TMEM131: variants seen among roughly 807,000 people sequenced by gnomAD.
TMEM131 encodes the protein 2610524E03Rik.
TMEM131 carries 66 observed loss-of-function variants against 211.6 expected under a neutral mutation model. The observed-to-expected ratio is 0.31, with a 90% CI of 0.26 to 0.38. TMEM131 has a LOEUF of 0.38. TMEM131 is among the 10% of genes least tolerant of loss of function. TMEM131 has a pLI of 1.00. For synonymous variants in TMEM131, 844 were observed against 841.3 expected (o/e 1.00, Z -0.06); for missense variants, 2,036 against 2,299.3 (o/e 0.89, Z 2.34).
chr2:97,877,409 G>A (rs926576360), intron 4 of TMEM131, among the ~76,000 whole-genome samples: 1 of 152,146 alleles, frequency 6.6e-6, no homozygotes, highest in Non-Finnish European at 1.5e-5. Flanking sequence ...ACAATCCTGG[G>A]CAAGAAGAAC....
chr2:97,811,047 A>G (rs945946228), intron 18 of TMEM131, 81 bp downstream of exon 18: 2 of 1,006,992 alleles, frequency 2.0e-6, no homozygotes, highest in African/African-American at 3.2e-5. Flanking sequence ...AGTAAACTTA[A>G]TTCTTTGGTT....
intron 4 of TMEM131, among the ~76,000 whole-genome samples, chr2:97,877,675 C>T (rs577532677): frequency 1.3e-5 from 2 of 152,194 alleles, no homozygotes; most frequent in East Asian, 1.9e-4. Context: ...GAAACTGGAC[C>T]GCTTCCTTGT....
chr2:97,814,243 T>C lies in TMEM131; in HGVS notation c.1438A>G (p.Met480Val). Residue 480 changes from methionine to valine, a missense_variant, in exon 14 of 41, where the codon ATG becomes GTG. Coordinates refer to ENST00000186436, the MANE Select transcript of TMEM131 (RefSeq NM_015348.2). ...AGGGCTCCTGGACATACTTTAAACA[T>C]TGTTTTGGCTTCTTCTGGTAGCAAC... ...DVLLPEEAKTMFKVHNFSKPV... is the reference protein window; with the variant it reads ...DVLLPEEAKTVFKVHNFSKPV... 6.2e-7 allele frequency: 1 copy of C among 1,613,648 alleles called. No individual in the cohort carries two copies. Among genetic ancestry groups the C allele is most frequent in the Non-Finnish European group, 8.5e-7 (1 of 1,179,726 alleles).
chr2:97,909,713 T>C (rs752848909), intron 2 of TMEM131, among the ~76,000 whole-genome samples: 3 of 152,212 alleles, frequency 2.0e-5, no homozygotes, highest in Admixed American at 1.3e-4. Flanking sequence ...TGTAGAAAAC[T>C]GTCCTAATTT....
chr2:97,925,755 C>T (rs2104437588), intron 2 of TMEM131, among the ~76,000 whole-genome samples: 1 of 152,174 alleles, frequency 6.6e-6, no homozygotes, highest in Middle Eastern at 3.4e-3. Context: ...ATCTTTTTGG[C>T]AATTTTTAAA....
intron 12 of TMEM131, among the ~76,000 whole-genome samples, chr2:97,816,795 T>G (rs976572888): frequency 6.6e-6 from 1 of 152,208 alleles, no homozygotes; most frequent in African/African-American, 2.4e-5. Context: ...GAAAATTCTG[T>G]TGAAAATCAT....
At chr2:97,958,701 C>A (rs1404692614) in intron 1 of TMEM131, among the ~76,000 whole-genome samples, 2 of 152,202 alleles carry the variant, frequency 1.3e-5, no homozygotes. Context: ...AGGCTTAATT[C>A]AACTTCAGAT....
intron 11 of TMEM131, among the ~76,000 whole-genome samples, chr2:97,831,627 T>C (rs1682691720): frequency 6.6e-6 from 1 of 150,628 alleles, no homozygotes. Flanking sequence ...GATTGCTAAG[T>C]GACACTGTAT....
chr2:97,909,151 GAATA>G (rs1464038055), intron 2 of TMEM131, among the ~76,000 whole-genome samples: 6 of 152,206 alleles, frequency 3.9e-5, no homozygotes, highest in South Asian at 2.1e-4. Context: ...CTGTGAACAG[GAATA>G]AATAGTTGCC....
At position 97,814,078 on chromosome 2, in the gene TMEM131, G is replaced by T; in HGVS notation, c.1510C>A (p.Leu504Ile). 6.2e-7 allele frequency: 1 copy of T among 1,604,324 alleles called. No homozygotes were observed. Among genetic ancestry groups the T allele is most frequent in the South Asian group, 1.1e-5 (1 of 89,642 alleles). Residue 504 changes from leucine to isoleucine, a missense_variant, in exon 15 of 41, where the codon CTT (leucine) becomes ATT (isoleucine). Physicochemically the swap from Leu to Ile is conservative, Grantham distance 5. This residue lies in a region of TMEM131 where 1,623 missense variants were observed against 1,805.9 expected (regional missense o/e 0.90). Transcript: ENST00000186436. The part of the protein sequence containing the change: ...PNESGYIFTL[L>I]FMPSTSSMHI... ...ATGGATGATGTGGAAGGCATAAAAA[G>T]CAGGGTAAAAATGTATCCTGATTCA...
chr2:97,943,471 C>A (rs1430250915), intron 1 of TMEM131, among the ~76,000 whole-genome samples: 1 of 152,072 alleles, frequency 6.6e-6, no homozygotes, highest in African/African-American at 2.4e-5. Flanking sequence ...CGAACAAGTA[C>A]AAGACTTGTA....
chr2:97,809,609 T>C, intron 19 of TMEM131, 79 bp downstream of exon 19: 1 of 921,548 alleles, frequency 1.1e-6, no homozygotes, highest in Non-Finnish European at 1.7e-6. Flanking sequence ...CTGACTTTAC[T>C]CTAAGATTCT....
chr2:97,796,334 T>C lies in TMEM131; in HGVS notation c.3084A>G (p.Gln1028=), dbSNP rs1680761656. Residue 1028 remains glutamine (Q), a synonymous_variant, in exon 28 of 41, where the codon CAA becomes CAG. Coordinates refer to ENST00000186436, the MANE Select transcript of TMEM131 (RefSeq NM_015348.2). ...TGATTTCAATGGTTTCTATGTGAATTTGAAGTTGTCCTGTATTCTCTACCT... is the reference window on the plus strand; with the variant it reads ...TGATTTCAATGGTTTCTATGTGAATCTGAAGTTGTCCTGTATTCTCTACCT... The part of the protein sequence containing the change: ...TFKVENTGQL[Q]IHIETIEISG... 6.4e-7 allele frequency: 1 copy of C among 1,554,628 alleles called. No individual in the cohort carries two copies. The highest frequency in any genetic ancestry group is 2.0e-5 in the Admixed American group (1 of 48,918).
chr2:97,965,012 A>G (rs1678987927), intron 1 of TMEM131, among the ~76,000 whole-genome samples: 1 of 152,160 alleles, frequency 6.6e-6, no homozygotes. Context: ...TGAGGAGAAA[A>G]GTCTCCTTAT....
At chr2:97,794,649 C>T (rs980945748) in intron 29 of TMEM131, among the ~76,000 whole-genome samples, 16 of 152,076 alleles carry the variant, frequency 1.1e-4, no homozygotes, top group African/African-American at 3.6e-4. Flanking sequence ...TATATATATG[C>T]CCAAGTCAAG....
At position 97,833,365 on chromosome 2, in the gene TMEM131, T is replaced by C; in HGVS notation, c.1074A>G (p.Thr358=). ...LNSGTKDVPI[T]SVRPTPQNDA... is the part of the protein sequence containing the mutation. ...GGGGAAAAAAGAAGTAAAAACTTACTGTTATTGGTACATCTTTTGTTCCTG... is the reference window on the plus strand; with the variant it reads ...GGGGAAAAAAGAAGTAAAAACTTACCGTTATTGGTACATCTTTTGTTCCTG... The change falls in exon 11 of 41, where the codon ACA becomes ACG. Residue 358 remains threonine, a splice_region_variant and synonymous_variant. Transcript: ENST00000186436. 7.9e-7 allele frequency: 1 copy of C among 1,268,004 alleles called. No individual in the cohort carries two copies. The highest frequency in any genetic ancestry group is 1.4e-5 in the South Asian group (1 of 73,592). The allele number at this position is 1,268,004 out of a possible 1,614,324, so 78.5% of individuals were successfully genotyped here. A position where few individuals can be genotyped will look rare whatever the true frequency, so the allele number is the denominator to read the frequency against.
At chr2:97,805,988 T>C (rs1681278159) in intron 19 of TMEM131, among the ~76,000 whole-genome samples, 1 of 152,198 alleles carries the variant, frequency 6.6e-6, no homozygotes, top group African/African-American at 2.4e-5. Flanking sequence ...GTTAAGATAC[T>C]GAGGATGCCA....
At chr2:97,956,862 G>A (rs1385269257) in intron 1 of TMEM131, among the ~76,000 whole-genome samples, 1 of 152,004 alleles carries the variant, frequency 6.6e-6, no homozygotes, top group Non-Finnish European at 1.5e-5. Context: ...AGTTTGGGAG[G>A]CCGAGGCAGG....
chr2:97,773,678 A>G (rs1679575623), intron 32 of TMEM131, among the ~76,000 whole-genome samples: 1 of 149,996 alleles, frequency 6.7e-6, no homozygotes, highest in Non-Finnish European at 1.5e-5. Context: ...GAGACAAGGT[A>G]CTCACTCTGT....
Sources: allele counts gnomAD v4.1 joint callset (sites outside exome capture counted in the v4.1 genomes callset), GRCh38; gene constraint gnomAD v4.1.1; regional missense constraint gnomAD v4.1.1; transcripts MANE v1.5; gene names NCBI Gene and HGNC (gene_info 2026-07-23, HGNC 2026-07-21).